The following MYEF2 variants were observed in gnomAD, a reference collection of about 807,000 sequenced individuals.
The protein encoded by MYEF2 is myelin expression factor 2, also known as myelin gene expression factor 2.
A neutral mutation model predicts 75.2 loss-of-function variants in MYEF2; 37 were observed. That is an observed-to-expected ratio of 0.49 (90% CI 0.38 to 0.65). MYEF2 has a LOEUF of 0.65. Ranked by LOEUF, MYEF2 falls within the 30% of genes least tolerant of loss-of-function variation. The probability of loss-of-function intolerance (pLI) is 0.00; values close to 1 mark genes in which losing one functional copy is unlikely to be tolerated. For missense variants in MYEF2, 634 were observed against 771.4 expected, an observed-to-expected ratio of 0.82 and a Z score of 2.11; for synonymous variants, 195 against 241.6, an observed-to-expected ratio of 0.81 and a Z score of 1.79.
intron 16 of MYEF2, among the ~76,000 whole-genome samples, chr15:48,144,613 C>T (rs934415158): frequency 6.6e-6 from 1 of 151,676 alleles, no homozygotes; most frequent in African/African-American, 2.4e-5. Flanking sequence ...GGAAAAAAAG[C>T]AAAAACATAG....
chr15:48,148,851 T>C (rs2039386548), intron 16 of MYEF2, among the ~76,000 whole-genome samples, 181 bp downstream of exon 16: 1 of 152,006 alleles, frequency 6.6e-6, no homozygotes, highest in South Asian at 2.1e-4. Context: ...AGCACTGCTC[T>C]AAGTCAAAAG....
At chr15:48,158,271 T>A (rs769042695) in intron 7 of MYEF2, 47 bp from the exon 8 acceptor site, 1 of 1,554,078 alleles carries the variant, frequency 6.4e-7, no homozygotes, top group East Asian at 2.3e-5. Flanking sequence ...TATAAAATTA[T>A]AACAGAACAC....
chr15:48,168,612 T>C lies in MYEF2; in HGVS notation c.370+19A>G. The C allele has an allele frequency of 6.3e-7, 1 of 1,591,586 alleles. No individual in the cohort carries two copies. The highest frequency in any genetic ancestry group is 8.6e-7 in the Non-Finnish European group (1 of 1,160,862). ...TATATGAAGATTATCCAACAGTGGGTTATTTCAGAGATAGTTACCTTTCTC... is the reference window on the plus strand; with the variant it reads ...TATATGAAGATTATCCAACAGTGGGCTATTTCAGAGATAGTTACCTTTCTC... On this transcript the variant is annotated intron_variant, in intron 2 of 16. Coordinates refer to ENST00000324324, the MANE Select transcript of MYEF2 (RefSeq NM_016132.5).
chr15:48,172,587 A>G (rs1366001136), intron 1 of MYEF2, among the ~76,000 whole-genome samples: 1 of 151,884 alleles, frequency 6.6e-6, no homozygotes, highest in East Asian at 1.9e-4. Flanking sequence ...TTGAAAGATA[A>G]GCAAAACTGA....
Position 48,149,273 on chromosome 15 carries a change from C to T in MYEF2, c.1477G>A (p.Ala493Thr). ...SFDRMGPGIG[A>T]ILERSIDMDR... ...ATATCGATGCTCCTTTCCAGTATAG[C>T]TCCTATACCTGGTCCCATTCTATCA... is the stretch of plus-strand genomic sequence containing the variant. Residue 493 changes from alanine (A) to threonine (T), a missense_variant, in exon 15 of 17, where the codon GCT becomes ACT. Physicochemically the swap from Ala to Thr is moderately conservative, Grantham distance 58. Transcript: ENST00000324324. The surrounding 1 kb of genome is among the most constrained non-coding windows in gnomAD (Gnocchi z 4.0). The T allele has an allele frequency of 1.2e-6, 2 of 1,613,336 alleles. No homozygotes were observed. Among genetic ancestry groups the T allele is most frequent in the Non-Finnish European group, 1.7e-6 (2 of 1,179,514 alleles).
intron 5 of MYEF2, 139 bp downstream of exon 5, chr15:48,165,794 C>T (rs530761304): frequency 2.9e-5 from 16 of 546,212 alleles, no homozygotes; most frequent in African/African-American, 1.2e-4. Flanking sequence ...GTAAAACTTT[C>T]GTCAATATAT....
rs775536844 is a variant in MYEF2 at position 48,151,591 on chromosome 15, A to C, written c.1208-20T>G. 4 of 1,585,250 alleles carry C rather than the reference A, an allele frequency of 2.5e-6. No individual in the cohort carries two copies. Among genetic ancestry groups the C allele is most frequent in the Non-Finnish European group, 3.4e-6 (4 of 1,165,670 alleles). On this transcript the variant is annotated intron_variant, in intron 12 of 16. Transcript: ENST00000324324. The stretch of plus-strand genomic sequence containing the variant: ...ACAGCTCTGAAAAAATTGTGCAACA[A>C]ATTAACCTTTTCAAATATATCAATA...
At chr15:48,175,054 T>C (rs899452471) in intron 1 of MYEF2, among the ~76,000 whole-genome samples, 1 of 152,158 alleles carries the variant, frequency 6.6e-6, no homozygotes, top group Non-Finnish European at 1.5e-5. Flanking sequence ...CATTGACAGA[T>C]AAATGATTAA....
Position 48,138,254 on chromosome 15 carries a change from G to A in MYEF2, c.*4654C>T, listed in dbSNP as rs1229476061. 1 of 151,826 alleles carries A rather than the reference G, an allele frequency of 6.6e-6. No individual in the cohort carries two copies. The highest frequency in any genetic ancestry group is 1.5e-5 in the Non-Finnish European group (1 of 67,864). The allele number at this position is 151,826 out of a possible 1,614,324, so 9.4% of individuals were successfully genotyped here. A position where few individuals can be genotyped will look rare whatever the true frequency, so the allele number is the denominator to read the frequency against. On this transcript the variant is annotated 3_prime_UTR_variant, in exon 17 of 17. Transcript: ENST00000324324. ...CCAATTGTTACATTATTTTGTAAAT[G>A]CCATACAAATTTTGAACATTTTTGA...
chr15:48,136,602 T>C lies in MYEF2; in HGVS notation c.*6306A>G. On this transcript the variant is annotated 3_prime_UTR_variant, in exon 17 of 17. Coordinates refer to ENST00000324324, the MANE Select transcript of MYEF2 (RefSeq NM_016132.5). ...TATGGCTACTTTTGTTAGAAAATCA[T>C]TCAATAGATACTGCCCAAAAGCTAT... The C allele has an allele frequency of 7.7e-7, 1 of 1,297,378 alleles. No homozygotes were observed. The highest frequency in any genetic ancestry group is 1.1e-6 in the Non-Finnish European group (1 of 942,802). The allele number at this position is 1,297,378 out of a possible 1,614,324, so 80.4% of individuals were successfully genotyped here.
rs767847877 is a variant in MYEF2, at chr15:48,153,906, T to C, written c.986-13A>G. 3 of 1,605,054 alleles carry C rather than the reference T, an allele frequency of 1.9e-6. No individual in the cohort carries two copies. Among genetic ancestry groups the C allele is most frequent in the South Asian group, 1.1e-5 (1 of 90,360 alleles). ...CCTCCAAGACCACCTAAAACAAAAA[T>C]GAGAACAATCATTACAAAGATCCAT... On this transcript the variant is annotated splice_polypyrimidine_tract_variant and intron_variant, in intron 9 of 16. Coordinates refer to ENST00000324324, the MANE Select transcript of MYEF2 (RefSeq NM_016132.5).
chr15:48,149,046 T>G lies in MYEF2; in HGVS notation c.1625A>C (p.Lys542Thr). The G allele has an allele frequency of 6.2e-7, 1 of 1,613,174 alleles. No homozygotes were observed. Among genetic ancestry groups the G allele is most frequent in the Non-Finnish European group, 8.5e-7 (1 of 1,179,288 alleles). ...TGCATACTTACCACACTGACTGAATTTCTCTTTTAGTTTCTGCCAAGTCAA... is the reference window on the plus strand; with the variant it reads ...TGCATACTTACCACACTGACTGAATGTCTCTTTTAGTTTCTGCCAAGTCAA... Reference protein sequence around the residue: ...FDLTWQKLKEKFSQCGHVMFA... With the variant: ...FDLTWQKLKETFSQCGHVMFA... The change falls in exon 16 of 17, where the codon AAA (lysine) becomes ACA (threonine). Residue 542 changes from lysine to threonine, a missense_variant. Physicochemically the swap from Lys to Thr is moderately conservative, Grantham distance 78. Coordinates refer to ENST00000324324, the MANE Select transcript of MYEF2 (RefSeq NM_016132.5). This position sits in a 1 kb window ranked among gnomAD's most constrained non-coding sequence, Gnocchi z 4.0.
At chr15:48,151,022 A>C in intron 14 of MYEF2, 78 bp downstream of exon 14, 1 of 934,004 alleles carries the variant, frequency 1.1e-6, no homozygotes, top group South Asian at 1.7e-5. Context: ...GTATTACTAT[A>C]CTACGATAAC....
rs542712279 is a variant in MYEF2, at chr15:48,158,726, T to A, written c.871+43A>T. 70 of 1,609,250 alleles carry A rather than the reference T, an allele frequency of 4.3e-5. No homozygotes were observed. In the South Asian group the frequency reaches 7.4e-4, roughly 17 times the overall value. On this transcript the variant is annotated intron_variant, in intron 7 of 16. Transcript: ENST00000324324. The stretch of plus-strand genomic sequence containing the variant: ...CGCCAAAACAAAGGTGGTATTATGC[T>A]TCTTCAACCTCATAAACAATGCTGA...
At chr15:48,144,818 G>T (rs1364940742) in intron 16 of MYEF2, among the ~76,000 whole-genome samples, 2 of 151,690 alleles carry the variant, frequency 1.3e-5, no homozygotes, top group Admixed American at 1.3e-4. Flanking sequence ...GAACTGTGGA[G>T]GATTTTCAAG....
At chr15:48,171,867 A>T (rs1032904587) in intron 1 of MYEF2, among the ~76,000 whole-genome samples, 1 of 152,216 alleles carries the variant, frequency 6.6e-6, no homozygotes, top group African/African-American at 2.4e-5. Flanking sequence ...CAATGTACTT[A>T]AAATAAAAAC....
intron 3 of MYEF2, 119 bp downstream of exon 3, chr15:48,167,230 C>T: frequency 4.1e-6 from 4 of 973,144 alleles, no homozygotes; most frequent in Middle Eastern, 2.2e-4. Flanking sequence ...TCAAATCTTG[C>T]ATAATAAAGT....
At chr15:48,163,453 A>C (rs921526066) in intron 5 of MYEF2, among the ~76,000 whole-genome samples, 3 of 152,246 alleles carry the variant, frequency 2.0e-5, no homozygotes, top group Non-Finnish European at 4.4e-5. Context: ...ATTTAAAGAA[A>C]GAAGCCATCT....
intron 11 of MYEF2, 49 bp from the exon 12 acceptor site, chr15:48,151,991 G>T: frequency 1.3e-6 from 2 of 1,563,482 alleles, no homozygotes; most frequent in Non-Finnish European, 1.8e-6. Flanking sequence ...TCATGTAGCT[G>T]AAAGGTACGT....
Sources: allele counts gnomAD v4.1 joint callset (sites outside exome capture counted in the v4.1 genomes callset), GRCh38; gene constraint gnomAD v4.1.1; non-coding constraint Gnocchi (gnomAD v3.1); transcripts MANE v1.5; gene names NCBI Gene and HGNC (gene_info 2026-07-23, HGNC 2026-07-21).